GHR: variants seen among roughly 807,000 people sequenced by gnomAD.
GHR encodes growth hormone receptor.
Under a neutral mutation model 67.1 loss-of-function variants are expected in GHR, and 35 were observed. The observed-to-expected ratio is 0.52, with a 90% confidence interval of 0.40 to 0.69. The LOEUF is 0.69. GHR is among the 30% of genes least tolerant of loss of function. The pLI is 0.00. For synonymous variants in GHR, 272 were observed against 269.1 expected (o/e 1.01, Z -0.10); for missense variants, 792 against 764.6 (o/e 1.04, Z -0.42).
chr5:42,461,052 T>C (rs560625489), intron 1 of GHR, among the ~76,000 whole-genome samples: 231 of 152,318 alleles, frequency 1.5e-3, no homozygotes, highest in African/African-American at 5.1e-3. Flanking sequence ...ATCTGGGATA[T>C]GCTTTCATTC....
intron 2 of GHR, among the ~76,000 whole-genome samples, chr5:42,624,353 T>C (rs1301851427): frequency 6.6e-6 from 1 of 152,186 alleles, no homozygotes; most frequent in African/African-American, 2.4e-5. Flanking sequence ...GAAAAATTTG[T>C]CAACTTTACT....
chr5:42,570,475 A>G (rs1750228680), intron 2 of GHR, among the ~76,000 whole-genome samples: 2 of 152,256 alleles, frequency 1.3e-5, no homozygotes. Flanking sequence ...AGAAGCTTTT[A>G]TTAAGTCATT....
At chr5:42,654,296 G>C (rs922157163) in intron 3 of GHR, among the ~76,000 whole-genome samples, 45 of 152,166 alleles carry the variant, frequency 3.0e-4, no homozygotes, top group African/African-American at 1.1e-3. Context: ...AGCATTAAAC[G>C]TCTCTATTTA....
intron 1 of GHR, among the ~76,000 whole-genome samples, chr5:42,505,993 G>T (rs1746757669): frequency 6.6e-6 from 1 of 152,072 alleles, no homozygotes; most frequent in Non-Finnish European, 1.5e-5. Flanking sequence ...TATTGAATAA[G>T]TATTTGATGT....
intron 1 of GHR, among the ~76,000 whole-genome samples, chr5:42,478,502 C>A (rs1745449692): frequency 6.6e-6 from 1 of 152,148 alleles, no homozygotes; most frequent in Middle Eastern, 3.2e-3. Flanking sequence ...AATATTGATT[C>A]TTCCTACCCA....
intron 3 of GHR, among the ~76,000 whole-genome samples, chr5:42,640,066 A>T (rs1164967693): frequency 6.6e-6 from 1 of 152,182 alleles, no homozygotes; most frequent in Non-Finnish European, 1.5e-5. Flanking sequence ...GCCTTCTCAA[A>T]TCTGAGAGCA....
chr5:42,528,864 C>G (rs902384010), intron 1 of GHR, among the ~76,000 whole-genome samples: 1 of 152,064 alleles, frequency 6.6e-6, no homozygotes, highest in Admixed American at 6.6e-5. Context: ...GACTCTCCAC[C>G]GGCAAAAAGA....
chr5:42,424,512 T>C lies in GHR; in HGVS notation c.-12+557T>C, dbSNP rs1742756829. 7.4e-7 allele frequency: 1 copy of C among 1,355,394 alleles called. No homozygotes were observed. The highest frequency in any genetic ancestry group is 1.2e-5 in the South Asian group (1 of 80,524). 84.0% of individuals were successfully genotyped at this position (1,355,394 alleles called of 1,614,324 possible). On this transcript the variant is annotated intron_variant, in intron 1 of 9. Coordinates refer to ENST00000230882, the MANE Select transcript of GHR (RefSeq NM_000163.5). The surrounding 1 kb of genome is among the most constrained non-coding windows in gnomAD (Gnocchi z 4.1). ...ACAGCGCGCAGAGCGCGCGGTCTTT[T>C]GCGCGTTTGTGCGGGCCGCAGCCGC...
intron 3 of GHR, among the ~76,000 whole-genome samples, chr5:42,638,496 G>T (rs986026081): frequency 5.3e-5 from 8 of 152,100 alleles, no homozygotes; most frequent in Admixed American, 5.2e-4. Flanking sequence ...CTGCACACCA[G>T]CCTTTATGAT....
chr5:42,582,615 A>G (rs897312073), intron 2 of GHR, among the ~76,000 whole-genome samples: 1 of 152,234 alleles, frequency 6.6e-6, no homozygotes, highest in African/African-American at 2.4e-5. Context: ...GAGCTGTAAC[A>G]CGAACAGGGC....
intron 3 of GHR, among the ~76,000 whole-genome samples, chr5:42,667,581 G>C: frequency 6.6e-6 from 1 of 152,124 alleles, no homozygotes; most frequent in East Asian, 1.9e-4. Flanking sequence ...AAGGTATTTT[G>C]TTAAAGATCC....
intron 2 of GHR, among the ~76,000 whole-genome samples, chr5:42,568,722 G>A (rs559096862): frequency 2.0e-5 from 3 of 152,266 alleles, no homozygotes; most frequent in Admixed American, 6.5e-5. Context: ...GGAATGTCTT[G>A]AAATTAATGA....
chr5:42,619,047 G>A (rs151228472), intron 2 of GHR, among the ~76,000 whole-genome samples: 4 of 152,174 alleles, frequency 2.6e-5, no homozygotes, highest in African/African-American at 9.6e-5. Context: ...AAGTTAATTA[G>A]TGAATTAAAG....
At chr5:42,711,171 C>T (rs757708908) in intron 6 of GHR, 36 bp from the exon 7 acceptor site, 21 of 1,554,574 alleles carry the variant, frequency 1.4e-5, no homozygotes, top group South Asian at 4.5e-5. Context: ...GTTGTTGACT[C>T]TTTGGCCAAT....
In GHR at chr5:42,476,290, G is replaced by A. The variant is rs529553193; in HGVS notation, c.-12+52335G>A. Among the ~76,000 whole-genome samples the A allele has an allele frequency of 4.6e-5, 7 of 151,494 alleles. No individual in the cohort carries two copies. In the South Asian group the frequency reaches 6.3e-4, roughly 14 times the overall value. On this transcript the variant is annotated intron_variant, in intron 1 of 9. Coordinates refer to ENST00000230882, the MANE Select transcript of GHR (RefSeq NM_000163.5). Reference sequence around the variant, plus strand: ...GGCTGGAGTGCAGTGGCACAATCTCGGCTCACTGCAACCTCCGCTCCCAGG... The same window carrying A: ...GGCTGGAGTGCAGTGGCACAATCTCAGCTCACTGCAACCTCCGCTCCCAGG...
rs867471312 is a variant in GHR, at chr5:42,475,909, T to A, written c.-12+51954T>A. 1.4e-3 allele frequency among the ~76,000 whole-genome samples: 195 copies of A among 136,970 alleles called. 1 individual carries two copies. Among genetic ancestry groups the A allele is most frequent in the African/African-American group, 5.6e-3 (188 of 33,744 alleles). 89.9% of individuals were successfully genotyped at this position (136,970 alleles called of 152,430 possible). A position where few individuals can be genotyped will look rare whatever the true frequency, so the allele number is the denominator to read the frequency against. On this transcript the variant is annotated intron_variant, in intron 1 of 9. Coordinates refer to ENST00000230882, the MANE Select transcript of GHR (RefSeq NM_000163.5). ...ACATCAGATTCATCAGATTAAAAAT[T>A]TTTTTTTTTTTTTTGAGACGGAGTC...
At chr5:42,561,886 G>A (rs148074266) in intron 1 of GHR, among the ~76,000 whole-genome samples, 136 of 152,234 alleles carry the variant, frequency 8.9e-4, no homozygotes, top group Non-Finnish European at 1.5e-3. Context: ...AGATTCCTCC[G>A]AACAATGCCA....
intron 1 of GHR, among the ~76,000 whole-genome samples, chr5:42,487,385 G>C (rs1344795868): frequency 1.3e-5 from 2 of 152,232 alleles, no homozygotes; most frequent in East Asian, 3.9e-4. Flanking sequence ...GTAAGCGTTG[G>C]CAAAAAGGTT....
intron 2 of GHR, among the ~76,000 whole-genome samples, chr5:42,582,330 G>A (rs909760700): frequency 1.3e-5 from 2 of 152,200 alleles, no homozygotes; most frequent in African/African-American, 4.8e-5. Flanking sequence ...AGAACTTATG[G>A]TGCTTTATCC....
Sources: allele counts gnomAD v4.1 joint callset (sites outside exome capture counted in the v4.1 genomes callset), GRCh38; gene constraint gnomAD v4.1.1; non-coding constraint Gnocchi (gnomAD v3.1); transcripts MANE v1.5; gene names NCBI Gene and HGNC (gene_info 2026-07-23, HGNC 2026-07-21).